The following CCDC169 variants were observed in gnomAD, a reference collection of about 807,000 sequenced individuals.
The protein encoded by CCDC169 is coiled-coil domain-containing protein 169.
Under a neutral mutation model 36.0 loss-of-function variants are expected in CCDC169, and 30 were observed. The observed-to-expected ratio is 0.83, with a 90% CI of 0.62 to 1.13. The LOEUF (loss-of-function observed/expected upper bound fraction) is 1.13, where lower values mean the gene tolerates loss of function less well. Among genes scored for constraint, CCDC169 ranks in the 50% most tolerant of loss-of-function variants. The pLI, the probability that CCDC169 is intolerant of heterozygous loss-of-function variation, is 0.00. For missense variants in CCDC169, 245 were observed against 245.9 expected (o/e 1.00, Z 0.03); for synonymous variants, 85 against 81.5 (o/e 1.04, Z -0.23).
At position 36,283,580 on chromosome 13, in the gene CCDC169, T is replaced by G; in HGVS notation, c.274+12A>C. ...CTCAAATTATAAAATGTACATATGATTGGTTTTGTACCTGAAGAGTTTCCA... is the reference window on the plus strand; with the variant it reads ...CTCAAATTATAAAATGTACATATGAGTGGTTTTGTACCTGAAGAGTTTCCA... On this transcript the variant is annotated intron_variant, in intron 3 of 7. Transcript: ENST00000239859. The G allele has an allele frequency of 6.4e-7, 1 of 1,551,252 alleles. No homozygotes were observed. Among genetic ancestry groups the G allele is most frequent in the Non-Finnish European group, 8.7e-7 (1 of 1,146,766 alleles).
intron 4 of CCDC169, among the ~76,000 whole-genome samples, chr13:36,273,968 C>G (rs1261631443): frequency 2.6e-5 from 4 of 152,130 alleles, no homozygotes. Context: ...AAAGTATTTT[C>G]TCTTCTGCAG....
chr13:36,240,580 T>C (rs1243241128), intron 7 of CCDC169: 2 of 1,255,366 alleles, frequency 1.6e-6, no homozygotes, highest in African/African-American at 1.6e-5. Flanking sequence ...CAAGTCCTAG[T>C]ATCAATTTCC....
chr13:36,231,639 G>A (rs1870441942), intron 7 of CCDC169, among the ~76,000 whole-genome samples: 2 of 152,096 alleles, frequency 1.3e-5, no homozygotes, highest in Non-Finnish European at 2.9e-5. Context: ...TTCCATTAAT[G>A]ACTTATGTGG....
At chr13:36,278,250 C>A (rs1394674249) in intron 4 of CCDC169, among the ~76,000 whole-genome samples, 1 of 152,132 alleles carries the variant, frequency 6.6e-6, no homozygotes, top group Non-Finnish European at 1.5e-5. Context: ...TTCACAGTAA[C>A]CCTGCATGAG....
intron 7 of CCDC169, among the ~76,000 whole-genome samples, chr13:36,247,147 A>G (rs780635418): frequency 7.9e-5 from 12 of 152,214 alleles, no homozygotes; most frequent in Non-Finnish European, 1.5e-4. Context: ...AGCATGGTTT[A>G]TTGAATATTT....
chr13:36,297,802 G>T lies in CCDC169; in HGVS notation c.-83C>A, dbSNP rs1021986869. ...TTAAGGGCCACCCAGAAGCCAGTAC[G>T]GCACGAGGCGGTGAACCCCAACCGC... On this transcript the variant is annotated 5_prime_UTR_variant, in exon 1 of 8. Transcript: ENST00000239859. 9 of 1,325,982 alleles carry T rather than the reference G, an allele frequency of 6.8e-6. No individual in the cohort carries two copies. Among genetic ancestry groups the T allele is most frequent in the Non-Finnish European group, 9.4e-6 (9 of 952,756 alleles). The allele number at this position is 1,325,982 out of a possible 1,614,324, so 82.1% of individuals were successfully genotyped here. A position where few individuals can be genotyped will look rare whatever the true frequency, so the allele number is the denominator to read the frequency against.
chr13:36,297,379 AATACACGCC>A (rs1189065674), intron 1 of CCDC169, among the ~76,000 whole-genome samples: 1 of 152,170 alleles, frequency 6.6e-6, no homozygotes, highest in Non-Finnish European at 1.5e-5. Context: ...ATATGGGCAA[AATACACGCC>A]ATATGATTGG....
intron 4 of CCDC169, among the ~76,000 whole-genome samples, chr13:36,255,260 T>C (rs1235221815): frequency 6.6e-6 from 1 of 152,144 alleles, no homozygotes; most frequent in Non-Finnish European, 1.5e-5. Flanking sequence ...TCCTCCTCCA[T>C]GGACTGCTGC....
At chr13:36,283,744 C>T (rs954800740) in intron 2 of CCDC169, 42 bp from the exon 3 acceptor site, 3 of 1,371,458 alleles carry the variant, frequency 2.2e-6, no homozygotes, top group African/African-American at 2.9e-5. Flanking sequence ...CACCCCACCA[C>T]CTCTCATTTA....
chr13:36,233,067 A>C (rs1184829540), intron 7 of CCDC169, among the ~76,000 whole-genome samples: 2 of 152,170 alleles, frequency 1.3e-5, no homozygotes, highest in African/African-American at 4.8e-5. Context: ...GCAGGAAGTA[A>C]AGAATAAGGT....
chr13:36,259,368 A>C (rs1421574829), intron 4 of CCDC169, among the ~76,000 whole-genome samples: 3 of 152,150 alleles, frequency 2.0e-5, no homozygotes, highest in Non-Finnish European at 2.9e-5. Context: ...CCAGTTGTCC[A>C]AGTTCTTGGT....
At chr13:36,234,641 A>C (rs1220470977) in intron 7 of CCDC169, among the ~76,000 whole-genome samples, 2 of 152,180 alleles carry the variant, frequency 1.3e-5, no homozygotes, top group Non-Finnish European at 2.9e-5. Flanking sequence ...TTCTCATCAG[A>C]AACTATGAAG....
chr13:36,289,984 G>T (rs1216536651), intron 2 of CCDC169, among the ~76,000 whole-genome samples: 1 of 152,090 alleles, frequency 6.6e-6, no homozygotes, highest in African/African-American at 2.4e-5. Context: ...ACAGCTTCCA[G>T]TCAAGTCATA....
intron 2 of CCDC169, among the ~76,000 whole-genome samples, chr13:36,285,614 G>GATAGATAGATAGATAGATACATAGATAC (rs568184993): frequency 1.8e-4 from 25 of 138,068 alleles, no homozygotes; most frequent in African/African-American, 5.7e-4. Flanking sequence ...TAGATAGATA[G>GATAGATAGATAGATAGATACATAGATAC]ATAGATACAT....
chr13:36,232,400 T>C (rs1187741166), intron 7 of CCDC169, among the ~76,000 whole-genome samples: 2 of 152,130 alleles, frequency 1.3e-5, no homozygotes, highest in African/African-American at 4.8e-5. Context: ...CTAGGGGCAT[T>C]TGCTGGAACA....
At chr13:36,289,135 T>C (rs1488642487) in intron 2 of CCDC169, among the ~76,000 whole-genome samples, 2 of 152,202 alleles carry the variant, frequency 1.3e-5, no homozygotes, top group African/African-American at 4.8e-5. Context: ...TTTCTCTTAA[T>C]AAAATTACAA....
downstream of CCDC169, chr13:36,224,290 A>C (rs1271754368): frequency 6.6e-6 from 1 of 152,016 alleles, no homozygotes. Flanking sequence ...CAGAGCAATC[A>C]GACAAGAGAA....
intron 7 of CCDC169, among the ~76,000 whole-genome samples, chr13:36,241,094 C>T (rs1201950264): frequency 6.6e-6 from 1 of 152,034 alleles, no homozygotes; most frequent in Non-Finnish European, 1.5e-5. Context: ...TTATATCAGG[C>T]ACTATCCCTT....
chr13:36,282,449 T>A, intron 4 of CCDC169: 1 of 985,380 alleles, frequency 1.0e-6, no homozygotes, highest in Non-Finnish European at 1.2e-6. Context: ...CGCTGACTCC[T>A]TGATTAGATT....
Sources: allele counts gnomAD v4.1 joint callset (sites outside exome capture counted in the v4.1 genomes callset), GRCh38; gene constraint gnomAD v4.1.1; transcripts MANE v1.5; gene names NCBI Gene and HGNC (gene_info 2026-07-23, HGNC 2026-07-21).